Variants in WDR44 observed in about 807,000 individuals in gnomAD.
The protein encoded by WDR44 is WD repeat domain 44.
A neutral mutation model predicts 65.7 loss-of-function variants in WDR44; 9 were observed. The observed-to-expected ratio is 0.14, with a 90% CI of 0.08 to 0.24. The LOEUF is 0.24. Ranked by LOEUF, WDR44 falls within the 10% of genes least tolerant of loss-of-function variation. The pLI is 1.00. For synonymous variants in WDR44, 220 were observed against 235.2 expected (o/e 0.94, Z 0.59); for missense variants, 425 against 670.9 (o/e 0.63, Z 4.05).
At chrX:118,383,639 T>C (rs1345823554) in intron 2 of WDR44, among the ~76,000 whole-genome samples, 7 of 110,177 alleles carry the variant, frequency 6.4e-5, no homozygotes, top group Non-Finnish European at 1.1e-4. Context: ...TATTTATTTA[T>C]TTATTTTTTT....
At chrX:118,346,613 C>T (rs779190723) in intron 1 of WDR44, 33 bp downstream of exon 1, 2 of 1,088,174 alleles carry the variant, frequency 1.8e-6, no homozygotes, top group South Asian at 4.1e-5. Flanking sequence ...GGAAGCCGGG[C>T]ATCCCAAGCC....
chrX:118,411,933 C>T (rs12847831), intron 12 of WDR44, among the ~76,000 whole-genome samples: 12,927 of 111,943 alleles, frequency 0.12, 681 homozygotes, highest in Admixed American at 0.25. Context: ...ATGTGGCAGA[C>T]ACTGCTACAT....
At chrX:118,428,597 G>A (rs1198642480) in intron 12 of WDR44, among the ~76,000 whole-genome samples, 2 of 111,738 alleles carry the variant, frequency 1.8e-5, no homozygotes, top group African/African-American at 6.5e-5. Context: ...AAAACAAATG[G>A]AAGAGGGGAA....
At chrX:118,407,128 C>A in intron 10 of WDR44, 102 bp downstream of exon 10, 1 of 823,093 alleles carries the variant, frequency 1.2e-6, no homozygotes, top group Non-Finnish European at 1.7e-6. Context: ...ACTTTGCTAG[C>A]CTGACTCAAG....
chrX:118,448,603 A>G (rs1252054744), intron 19 of WDR44, among the ~76,000 whole-genome samples: 3 of 111,793 alleles, frequency 2.7e-5, no homozygotes, highest in Non-Finnish European at 5.6e-5. Context: ...GATGACTTAG[A>G]TGCCTAGGCT....
chrX:118,371,402 A>G (rs1346167917), intron 1 of WDR44, among the ~76,000 whole-genome samples: 1 of 111,547 alleles, frequency 9.0e-6, no homozygotes. Flanking sequence ...TGATGACTAT[A>G]ATAATAACAA....
At chrX:118,349,057 A>G (rs894308588) in intron 1 of WDR44, among the ~76,000 whole-genome samples, 12 of 111,650 alleles carry the variant, frequency 1.1e-4, no homozygotes, top group Admixed American at 8.6e-4. Flanking sequence ...GGCTTTGTTA[A>G]TCTACTCTTT....
At chrX:118,357,805 A>G (rs2056474692) in intron 1 of WDR44, among the ~76,000 whole-genome samples, 1 of 110,354 alleles carries the variant, frequency 9.1e-6, no homozygotes, top group Non-Finnish European at 1.9e-5. Context: ...CTGGAGCCCA[A>G]GAATTCAAGG....
chrX:118,425,953 T>C (rs1233413533), intron 12 of WDR44, among the ~76,000 whole-genome samples: 1 of 111,321 alleles, frequency 9.0e-6, no homozygotes, highest in Non-Finnish European at 1.9e-5. Context: ...CATGTGCCTG[T>C]AGACCCAACT....
intron 1 of WDR44, among the ~76,000 whole-genome samples, chrX:118,355,454 T>C (rs778859046): frequency 4.5e-5 from 5 of 112,347 alleles, no homozygotes; most frequent in African/African-American, 1.6e-4. Context: ...GTGAGCAGAA[T>C]GAACAAGTAG....
Position 118,346,185 on chromosome X carries a change from G to A in WDR44, c.-319G>A. 3.3e-6 allele frequency: 1 copy of A among 303,704 alleles called. No homozygotes were observed. The highest frequency in any genetic ancestry group is 4.7e-5 in the East Asian group (1 of 21,091). The allele number at this position is 303,704 out of a possible 1,213,427, so 25.0% of individuals were successfully genotyped here. A position where few individuals can be genotyped will look rare whatever the true frequency, so the allele number is the denominator to read the frequency against. ...AAACTGGAGCCGCTGTAGCCGGCGC[G>A]CCCTTCTTCCCTTACTGCGAGGAGC... On this transcript the variant is annotated 5_prime_UTR_variant, in exon 1 of 20. Coordinates refer to ENST00000254029, the MANE Select transcript of WDR44 (RefSeq NM_019045.5).
intron 3 of WDR44, among the ~76,000 whole-genome samples, chrX:118,390,835 A>G (rs1181699866): frequency 8.9e-6 from 1 of 111,999 alleles, no homozygotes; most frequent in Non-Finnish European, 1.9e-5. Flanking sequence ...AAGATTTAGT[A>G]TTCTTGTTTT....
intron 10 of WDR44, 30 bp downstream of exon 10, chrX:118,407,056 A>T: frequency 8.5e-7 from 1 of 1,179,878 alleles, no homozygotes; most frequent in Non-Finnish European, 1.1e-6. Context: ...TTTAGGATTG[A>T]TACTGTTTTT....
At chrX:118,440,682 AT>A (rs2057297225) in intron 14 of WDR44, among the ~76,000 whole-genome samples, 1 of 111,608 alleles carries the variant, frequency 9.0e-6, no homozygotes, top group African/African-American at 3.3e-5. Context: ...CTGTTTGGAG[AT>A]TCAAAATGCA....
At chrX:118,418,778 A>T (rs925317524) in intron 12 of WDR44, among the ~76,000 whole-genome samples, 3 of 110,751 alleles carry the variant, frequency 2.7e-5, no homozygotes, top group Non-Finnish European at 5.7e-5. Context: ...TTCAGCTACC[A>T]GGGTGGATAA....
At chrX:118,372,805 T>C (rs1233990777) in intron 1 of WDR44, among the ~76,000 whole-genome samples, 3 of 112,155 alleles carry the variant, frequency 2.7e-5, no homozygotes, top group Admixed American at 9.4e-5. Flanking sequence ...CCACCGCTTA[T>C]AGGCTGGGTG....
chrX:118,394,298 C>G lies in WDR44; in HGVS notation c.957+113C>G. The G allele has an allele frequency of 3.9e-6, 4 of 1,032,285 alleles. No homozygotes were observed. In the South Asian group the frequency reaches 9.7e-5, roughly 25 times the overall value. The allele number at this position is 1,032,285 out of a possible 1,213,427, so 85.1% of individuals were successfully genotyped here. A position where few individuals can be genotyped will look rare whatever the true frequency, so the allele number is the denominator to read the frequency against. ...GCCAGATTTTTCTTTGTCCTCCAAA[C>G]CTGACCCCCTTACTTCTCTTGATCA... On this transcript the variant is annotated intron_variant, in intron 5 of 19. Coordinates refer to ENST00000254029, the MANE Select transcript of WDR44 (RefSeq NM_019045.5).
chrX:118,377,720 TCTC>T (rs755131150), intron 1 of WDR44, among the ~76,000 whole-genome samples: 20 of 75,301 alleles, frequency 2.7e-4, no homozygotes, highest in South Asian at 6.0e-4. Flanking sequence ...TTTTCTTCTC[TCTC>T]TTTTTTTTTT....
At chrX:118,397,639 T>C (rs1318199533) in intron 7 of WDR44, among the ~76,000 whole-genome samples, 1 of 112,313 alleles carries the variant, frequency 8.9e-6, no homozygotes. Context: ...AGAAAATGGC[T>C]TTAAAATGAG....
Sources: allele counts gnomAD v4.1 joint callset (sites outside exome capture counted in the v4.1 genomes callset), GRCh38; gene constraint gnomAD v4.1.1; transcripts MANE v1.5; gene names NCBI Gene and HGNC (gene_info 2026-07-23, HGNC 2026-07-21).